The following LRRIQ1 variants were observed in gnomAD, a reference collection of about 807,000 sequenced individuals.
LRRIQ1 encodes the protein leucine rich repeats and IQ motif containing 1.
Under a neutral mutation model 211.9 loss-of-function variants are expected in LRRIQ1, and 210 were observed. The ratio of observed to expected loss-of-function variants is 0.99; its 90% CI spans 0.89 to 1.11. The LOEUF (loss-of-function observed/expected upper bound fraction) is 1.11. Among genes scored for constraint, LRRIQ1 ranks in the 50% most tolerant of loss-of-function variants. The probability of loss-of-function intolerance (pLI) is 0.00; values close to 1 mark genes in which losing one functional copy is unlikely to be tolerated. For missense variants in LRRIQ1, 2,136 were observed against 1,939.5 expected (o/e 1.10, Z -1.90); for synonymous variants, 699 against 650.1 (o/e 1.08, Z -1.14).
chr12:85,190,506 G>A (rs1037174943), intron 24 of LRRIQ1, among the ~76,000 whole-genome samples: 2 of 147,494 alleles, frequency 1.4e-5, no homozygotes, highest in African/African-American at 2.5e-5. Context: ...TTATAGTTAT[G>A]TGCATTAATA....
chr12:85,056,540 A>G lies in LRRIQ1; in HGVS notation c.1747A>G (p.Ile583Val). 2.5e-6 allele frequency: 4 copies of G among 1,609,512 alleles called. No homozygotes were observed. Among genetic ancestry groups the G allele is most frequent in the Non-Finnish European group, 3.4e-6 (4 of 1,178,140 alleles). The stretch of plus-strand genomic sequence containing the variant: ...AATCAAAGATAATCAGCAGAAAAAG[A>G]TACAAAAAGTAGAAAAAGAAGAGAT... ...KIIKDNQQKK[I>V]QKVEKEEIQE... Residue 583 changes from isoleucine (I) to valine (V), a missense_variant, in exon 8 of 27, where the codon ATA (isoleucine) becomes GTA (valine). Coordinates refer to ENST00000393217, the MANE Select transcript of LRRIQ1 (RefSeq NM_001079910.2).
rs1175393467 is a variant in LRRIQ1, at chr12:85,183,053, TATAAA to T, written c.4822+22346_4822+22350del. Among the ~76,000 whole-genome samples, 9 of 152,172 alleles carry T rather than the reference TATAAA, an allele frequency of 5.9e-5. No individual in the cohort carries two copies. In the East Asian group the frequency reaches 1.7e-3, roughly 29 times the overall value. ...TAGTTTTAATGGCCTAGTTTCTTAT[TATAAA>T]ATAAAACTTAAAAATAAAATCTGTG... On this transcript the variant is annotated intron_variant, in intron 24 of 26. Coordinates refer to ENST00000393217, the MANE Select transcript of LRRIQ1 (RefSeq NM_001079910.2).
chr12:85,064,041 G>A (rs568666726), intron 8 of LRRIQ1, among the ~76,000 whole-genome samples: 80 of 151,690 alleles, frequency 5.3e-4, no homozygotes, highest in Non-Finnish European at 9.7e-4. Context: ...CATTTCTTTC[G>A]GCTATATACC....
At chr12:85,137,056 T>A (rs922038906) in intron 18 of LRRIQ1, among the ~76,000 whole-genome samples, 3 of 151,574 alleles carry the variant, frequency 2.0e-5, no homozygotes, top group African/African-American at 7.3e-5. Flanking sequence ...TAACCATTTT[T>A]AAAATTAATT....
intron 8 of LRRIQ1, among the ~76,000 whole-genome samples, chr12:85,059,687 G>A (rs929892300): frequency 6.6e-6 from 1 of 151,882 alleles, no homozygotes; most frequent in Non-Finnish European, 1.5e-5. Context: ...ATGGATGAGT[G>A]GGGGGATGAA....
chr12:85,040,943 T>C (rs1262669466), intron 3 of LRRIQ1, among the ~76,000 whole-genome samples: 1 of 151,614 alleles, frequency 6.6e-6, no homozygotes, highest in East Asian at 1.9e-4. Context: ...GGGAAAAATA[T>C]AATCACTTAT....
At chr12:85,098,827 T>C in intron 12 of LRRIQ1, 40 bp from the exon 13 acceptor site, 1 of 1,395,830 alleles carries the variant, frequency 7.2e-7, no homozygotes, top group Non-Finnish European at 9.7e-7. Context: ...TGATAAAATA[T>C]TTTGCTTAAT....
chr12:85,255,337 ACTAT>A (rs1896057252), intron 1 of LRRIQ1, among the ~76,000 whole-genome samples: 2 of 151,864 alleles, frequency 1.3e-5, no homozygotes, highest in Admixed American at 6.6e-5. Flanking sequence ...CCTGATATCC[ACTAT>A]CTATGTCAAT....
Position 85,104,023 on chromosome 12 carries a change from CT to C in LRRIQ1, c.3234del (p.His1079IlefsTer8). 1.3e-6 allele frequency: 2 copies of C among 1,568,938 alleles called. No individual in the cohort carries two copies. Among genetic ancestry groups the C allele is most frequent in the African/African-American group, 1.4e-5 (1 of 72,916 alleles). Reference sequence around the variant, plus strand: ...TTTCAGCTTGACTAAAATCGTACCACTTTTTCATTTTGTTTCATTGGAAAAG... The same window carrying C: ...TTTCAGCTTGACTAAAATCGTACCACTTTTCATTTTGTTTCATTGGAAAAG... ...SQNSLTKIVP[L>X]FHFVSLEKLD... is the part of the protein sequence containing the mutation. On this transcript the variant is annotated frameshift_variant, in exon 14 of 27. Coordinates refer to ENST00000393217, the MANE Select transcript of LRRIQ1 (RefSeq NM_001079910.2). LOFTEE classifies it high-confidence loss of function.
chr12:85,106,805 CAT>C (rs552721778), intron 15 of LRRIQ1, among the ~76,000 whole-genome samples, 190 bp downstream of exon 15: 16 of 152,222 alleles, frequency 1.1e-4, no homozygotes, highest in African/African-American at 3.1e-4. Flanking sequence ...TTTTCTTGCA[CAT>C]GTGTGAACTA....
chr12:85,216,547 C>G (rs1565908903), intron 24 of LRRIQ1, among the ~76,000 whole-genome samples: 1 of 150,526 alleles, frequency 6.6e-6, no homozygotes, highest in East Asian at 1.9e-4. Flanking sequence ...ATAAATCTTG[C>G]AATTGAATAT....
At chr12:85,161,865 C>A (rs1890899559) in intron 24 of LRRIQ1, among the ~76,000 whole-genome samples, 1 of 151,860 alleles carries the variant, frequency 6.6e-6, no homozygotes, top group Non-Finnish European at 1.5e-5. Flanking sequence ...ACGGTGAAAC[C>A]CTGTCTCTAC....
rs756892414 is a variant in LRRIQ1, at chr12:85,056,152, A to G, written c.1359A>G (p.Arg453=). The G allele has an allele frequency of 1.9e-6, 3 of 1,598,096 alleles. No individual in the cohort carries two copies. The highest frequency in any genetic ancestry group is 2.6e-6 in the Non-Finnish European group (3 of 1,175,348). ...EESNMKENVD[R]QTILKESIQV... The stretch of plus-strand genomic sequence containing the variant: ...CAAATATGAAAGAAAATGTAGATAG[A>G]CAGACTATATTAAAAGAATCAATAC... The change falls in exon 8 of 27, where the codon AGA becomes AGG. Residue 453 remains arginine (R), a synonymous_variant. Coordinates refer to ENST00000393217, the MANE Select transcript of LRRIQ1 (RefSeq NM_001079910.2).
At chr12:85,061,818 A>G (rs1174659441) in intron 8 of LRRIQ1, among the ~76,000 whole-genome samples, 1 of 151,896 alleles carries the variant, frequency 6.6e-6, no homozygotes, top group East Asian at 1.9e-4. Flanking sequence ...TCTTTCTGAA[A>G]AAATTATTAA....
At chr12:85,255,518 T>C (rs1376308262) in intron 1 of LRRIQ1, among the ~76,000 whole-genome samples, 1 of 151,840 alleles carries the variant, frequency 6.6e-6, no homozygotes, top group Non-Finnish European at 1.5e-5. Flanking sequence ...GTTCCATACA[T>C]AATGAAATCT....
At chr12:85,228,086 C>T (rs1894755235) in intron 24 of LRRIQ1, among the ~76,000 whole-genome samples, 1 of 152,114 alleles carries the variant, frequency 6.6e-6, no homozygotes, top group Admixed American at 6.6e-5. Context: ...AAAACCTTGG[C>T]AATACCATTC....
chr12:85,098,320 A>G (rs1396107149), intron 11 of LRRIQ1, 35 bp from the exon 12 acceptor site: 4 of 1,406,554 alleles, frequency 2.8e-6, no homozygotes, highest in Non-Finnish European at 3.9e-6. Context: ...GGAAGACTGT[A>G]TGACACAGGT....
intron 24 of LRRIQ1, among the ~76,000 whole-genome samples, chr12:85,190,460 G>T (rs890901171): frequency 3.4e-5 from 5 of 146,408 alleles, no homozygotes; most frequent in African/African-American, 7.4e-5. Flanking sequence ...AATATAAATA[G>T]TATATTATGT....
At chr12:85,097,813 T>C (rs1886021061) in intron 11 of LRRIQ1, among the ~76,000 whole-genome samples, 1 of 152,146 alleles carries the variant, frequency 6.6e-6, no homozygotes. Context: ...TTTCGAAGGC[T>C]CATCTAATAT....
Sources: allele counts gnomAD v4.1 joint callset (sites outside exome capture counted in the v4.1 genomes callset), GRCh38; gene constraint gnomAD v4.1.1; transcripts MANE v1.5; gene names NCBI Gene and HGNC (gene_info 2026-07-23, HGNC 2026-07-21).